Variants in OTUD7A observed in about 807,000 individuals in gnomAD.
The protein encoded by OTUD7A is OTU deubiquitinase 7A.
A neutral mutation model predicts 65.7 loss-of-function variants in OTUD7A; 12 were observed. That is an observed-to-expected ratio of 0.18 (90% CI 0.12 to 0.30). The LOEUF (loss-of-function observed/expected upper bound fraction) is 0.30, where lower values mean the gene tolerates loss of function less well. Among genes scored for constraint, OTUD7A ranks in the 10% least tolerant of loss-of-function variants. The pLI is 1.00. For synonymous variants in OTUD7A, 641 were observed against 586.3 expected, an observed-to-expected ratio of 1.09 and a Z score of -1.35; for missense variants, 1,148 against 1,304.8, an observed-to-expected ratio of 0.88 and a Z score of 1.85.
At chr15:31,539,498 CAAAAG>C (rs1887919871) in intron 5 of OTUD7A, among the ~76,000 whole-genome samples, 1 of 151,914 alleles carries the variant, frequency 6.6e-6, no homozygotes, top group South Asian at 2.1e-4. Context: ...TCATGAAAAA[CAAAAG>C]AAGAGAGAAT....
chr15:31,493,158 AAAAG>A (rs200933786), intron 10 of OTUD7A, among the ~76,000 whole-genome samples: 33,245 of 150,988 alleles, frequency 0.22, 3,998 homozygotes, highest in Non-Finnish European at 0.28. Context: ...GGAAAAAAAA[AAAAG>A]AAAAAGAATC....
intron 3 of OTUD7A, among the ~76,000 whole-genome samples, chr15:31,635,789 C>A (rs148698295): frequency 0.011 from 1,702 of 152,294 alleles, 20 homozygotes; most frequent in Non-Finnish European, 0.018. Flanking sequence ...TTCAGGCTGC[C>A]CAGTTTTTGT....
At chr15:31,784,109 T>C (rs1342356694) in intron 1 of OTUD7A, among the ~76,000 whole-genome samples, 1 of 152,228 alleles carries the variant, frequency 6.6e-6, no homozygotes, top group Non-Finnish European at 1.5e-5. Context: ...CAGTGTATCA[T>C]GTTACAGATC....
At chr15:31,789,731 C>T (rs1030148838) in intron 1 of OTUD7A, among the ~76,000 whole-genome samples, 9 of 142,906 alleles carry the variant, frequency 6.3e-5, no homozygotes, top group Non-Finnish European at 1.2e-4. Flanking sequence ...TTTTTGAGAC[C>T]GAGTTTCACT....
At chr15:31,752,852 A>C (rs1378421514) in intron 1 of OTUD7A, among the ~76,000 whole-genome samples, 1 of 152,156 alleles carries the variant, frequency 6.6e-6, no homozygotes, top group Non-Finnish European at 1.5e-5. Flanking sequence ...ATAGTTTGTC[A>C]GTCATTCTTT....
chr15:31,571,222 AT>A (rs1216672318), intron 3 of OTUD7A, among the ~76,000 whole-genome samples: 1 of 152,236 alleles, frequency 6.6e-6, no homozygotes, highest in African/African-American at 2.4e-5. Flanking sequence ...AAATTAAAAA[AT>A]TTTAAAAAGA....
intron 3 of OTUD7A, among the ~76,000 whole-genome samples, chr15:31,592,103 G>A (rs1889743927): frequency 6.6e-6 from 1 of 152,200 alleles, no homozygotes; most frequent in South Asian, 2.1e-4. Flanking sequence ...GAGTTACCCT[G>A]GATGAGTCAG....
chr15:31,552,522 A>G (rs1393674910), intron 5 of OTUD7A, among the ~76,000 whole-genome samples: 4 of 152,262 alleles, frequency 2.6e-5, no homozygotes, highest in Non-Finnish European at 5.9e-5. Context: ...CTGAGTATGC[A>G]TCCAGCCCTG....
At chr15:31,574,401 T>C (rs534647423) in intron 3 of OTUD7A, among the ~76,000 whole-genome samples, 2 of 152,262 alleles carry the variant, frequency 1.3e-5, no homozygotes, top group South Asian at 2.1e-4. Context: ...TTTTACATTA[T>C]CTCTAAAAAG....
chr15:31,558,651 G>C (rs562477668), intron 5 of OTUD7A: 1 of 388,292 alleles, frequency 2.6e-6, no homozygotes, highest in South Asian at 4.8e-5. Context: ...CAACACCCAC[G>C]GAGGAGTTGT....
At chr15:31,824,163 GA>G (rs1896748876) in intron 1 of OTUD7A, among the ~76,000 whole-genome samples, 1 of 152,164 alleles carries the variant, frequency 6.6e-6, no homozygotes, top group South Asian at 2.1e-4. Context: ...TCAGTTTCTG[GA>G]ACAGACTCCT....
At chr15:31,722,448 ACT>A (rs1893765805) in intron 1 of OTUD7A, among the ~76,000 whole-genome samples, 1 of 151,948 alleles carries the variant, frequency 6.6e-6, no homozygotes, top group African/African-American at 2.4e-5. Context: ...GACTCCAAAC[ACT>A]CTCACTGGCT....
intron 1 of OTUD7A, 23 bp downstream of exon 1, chr15:31,870,484 C>G (rs1222317486): frequency 6.8e-6 from 1 of 148,124 alleles, no homozygotes; most frequent in Non-Finnish European, 1.5e-5. Flanking sequence ...CCGCCGGCAG[C>G]ACCGCGGCCA....
rs1320260918 is a variant in OTUD7A at position 31,482,682 on chromosome 15, G to A, written c.*612C>T. The A allele has an allele frequency of 2.0e-5, 3 of 152,424 alleles. No individual in the cohort carries two copies. Among genetic ancestry groups the A allele is most frequent in the Middle Eastern group, 3.4e-3 (1 of 294 alleles). The allele number at this position is 152,424 out of a possible 1,614,324, so 9.4% of individuals were successfully genotyped here. Reference sequence around the variant, plus strand: ...CAGTGTGAATGGTGCTTGAGCCGGGGCTGGGGGAGGAGGTTTTGCTTATGA... The same window carrying A: ...CAGTGTGAATGGTGCTTGAGCCGGGACTGGGGGAGGAGGTTTTGCTTATGA... On this transcript the variant is annotated 3_prime_UTR_variant, in exon 13 of 13. Transcript: ENST00000307050.
At chr15:31,758,179 C>G (rs1005567976) in intron 1 of OTUD7A, among the ~76,000 whole-genome samples, 1 of 152,108 alleles carries the variant, frequency 6.6e-6, no homozygotes, top group African/African-American at 2.4e-5. Flanking sequence ...TCCTCTTAAA[C>G]ACATATAAAA....
intron 3 of OTUD7A, among the ~76,000 whole-genome samples, chr15:31,606,908 C>T (rs1051071942): frequency 6.6e-6 from 1 of 152,092 alleles, no homozygotes. Flanking sequence ...CCGCTTATTC[C>T]AGCAATGAAG....
At chr15:31,656,681 C>T (rs1185914693) in intron 2 of OTUD7A, among the ~76,000 whole-genome samples, 3 of 152,038 alleles carry the variant, frequency 2.0e-5, no homozygotes, top group East Asian at 3.9e-4. Context: ...ATGGGTGCTG[C>T]TTGGTGGAGT....
At position 31,483,961 on chromosome 15, in the gene OTUD7A, A is replaced by G. The variant is rs987671833; in HGVS notation, c.2135T>C (p.Val712Ala). The change falls in exon 13 of 13, where the codon GTC (valine) becomes GCC (alanine). Residue 712 changes from valine (V) to alanine (A), a missense_variant. Coordinates refer to ENST00000307050, the MANE Select transcript of OTUD7A (RefSeq NM_001382637.1). ...PRRPETEGVP[V>A]PERASPGPPT... is the part of the protein sequence containing the mutation. ...TGGGCCCGGAGAGGCGCGCTCCGGG[A>G]CCGGCACGCCCTCCGTCTCCGGTCT... The G allele has an allele frequency of 3.7e-4, 424 of 1,131,958 alleles. 2 individuals carry two copies. Among genetic ancestry groups the G allele is most frequent in the Non-Finnish European group, 4.5e-4 (417 of 917,074 alleles). 70.1% of individuals were successfully genotyped at this position (1,131,958 alleles called of 1,614,324 possible).
chr15:31,488,606 G>A (rs2041272780), intron 10 of OTUD7A, among the ~76,000 whole-genome samples: 1 of 152,204 alleles, frequency 6.6e-6, no homozygotes, highest in Non-Finnish European at 1.5e-5. Context: ...GAGAAGCACA[G>A]CCACCTTGGA....
Sources: allele counts gnomAD v4.1 joint callset (sites outside exome capture counted in the v4.1 genomes callset), GRCh38; gene constraint gnomAD v4.1.1; transcripts MANE v1.5; gene names NCBI Gene and HGNC (gene_info 2026-07-23, HGNC 2026-07-21).